The following NFILZ variants were observed in gnomAD, a reference collection of about 807,000 sequenced individuals.
The protein encoded by NFILZ is NFIL3 like protein.
intron 3 of NFILZ, among the ~76,000 whole-genome samples, chr19:8,649,283 T>C (rs1555747493): frequency 6.6e-6 from 1 of 150,994 alleles, no homozygotes. Flanking sequence ...AATTTTTTTT[T>C]GAGACAAAGT....
At chr19:8,644,699 C>T (rs1286611763) in intron 3 of NFILZ, among the ~76,000 whole-genome samples, 1 of 151,582 alleles carries the variant, frequency 6.6e-6, no homozygotes, top group East Asian at 1.9e-4. Context: ...CTCCTGGGCT[C>T]AAGCAATCCT....
At position 8,678,351 on chromosome 19, in the gene NFILZ, T is replaced by G. The variant is rs2043128714; in HGVS notation, c.*716T>G. On this transcript the variant is annotated 3_prime_UTR_variant, in exon 6 of 6. Coordinates refer to ENST00000691075, the MANE Select transcript of NFILZ (RefSeq NM_001378600.1). ...CCATCCATTCTCATTCATCCATGCA[T>G]TTGTTTTTCCTTCTATCTATCCATC... 6.7e-6 allele frequency among the ~76,000 whole-genome samples: 1 copy of G among 148,674 alleles called. No individual in the cohort carries two copies. The highest frequency in any genetic ancestry group is 1.5e-5 in the Non-Finnish European group (1 of 66,916).
intron 1 of NFILZ, among the ~76,000 whole-genome samples, chr19:8,631,982 G>A (rs1278395586): frequency 4.6e-5 from 7 of 151,874 alleles, no homozygotes; most frequent in Admixed American, 2.0e-4. Flanking sequence ...CAATTCTTTC[G>A]TCTCAGCCTC....
At chr19:8,633,288 C>A (rs985573573) in intron 2 of NFILZ, among the ~76,000 whole-genome samples, 9 of 152,136 alleles carry the variant, frequency 5.9e-5, no homozygotes, top group Admixed American at 2.6e-4. Context: ...TCCCAAAGTG[C>A]TGGGATTATA....
intron 3 of NFILZ, among the ~76,000 whole-genome samples, chr19:8,641,899 C>T (rs1426390960): frequency 6.6e-6 from 1 of 151,690 alleles, no homozygotes; most frequent in Non-Finnish European, 1.5e-5. Flanking sequence ...CACAATCACA[C>T]CTCATTGCAG....
intron 2 of NFILZ, among the ~76,000 whole-genome samples, chr19:8,634,509 C>T (rs1203144139): frequency 1.3e-5 from 2 of 152,208 alleles, no homozygotes; most frequent in Admixed American, 1.3e-4. Context: ...AAGTAATCCT[C>T]TTGCCTCAGC....
At chr19:8,669,079 G>T (rs1308440003) in intron 3 of NFILZ, among the ~76,000 whole-genome samples, 1 of 152,132 alleles carries the variant, frequency 6.6e-6, no homozygotes, top group Admixed American at 6.5e-5. Flanking sequence ...GAGTAGCTGG[G>T]ACTACAGGCG....
intron 3 of NFILZ, among the ~76,000 whole-genome samples, chr19:8,668,982 T>C (rs1284806332): frequency 9.9e-5 from 15 of 152,152 alleles, no homozygotes; most frequent in African/African-American, 3.6e-4. Flanking sequence ...TCTCACTCTG[T>C]CACCCAGACT....
intron 3 of NFILZ, among the ~76,000 whole-genome samples, chr19:8,671,358 AAC>A (rs1168238992): frequency 1.3e-5 from 2 of 151,952 alleles, no homozygotes; most frequent in Non-Finnish European, 2.9e-5. Flanking sequence ...CGGGCAGCAG[AAC>A]TATCTGCTGC....
In NFILZ at chr19:8,678,147, GTCCGTCCATCCATCCA is replaced by G. The variant is rs782169216; in HGVS notation, c.*516_*531del. ...CATCCCTCCATCCATTCATCCACTT[GTCCGTCCATCCATCCA>G]TCCATCCATCCATCCATCCATCCAT... On this transcript the variant is annotated 3_prime_UTR_variant, in exon 6 of 6. Coordinates refer to ENST00000691075, the MANE Select transcript of NFILZ (RefSeq NM_001378600.1). Among the ~76,000 whole-genome samples, 7 of 9,668 alleles carry G rather than the reference GTCCGTCCATCCATCCA, an allele frequency of 7.2e-4. No homozygotes were observed. The highest frequency in any genetic ancestry group is 1.9e-3 in the African/African-American group (6 of 3,134). The allele number at this position is 9,668 out of a possible 152,430, so 6.3% of individuals were successfully genotyped here. A position where few individuals can be genotyped will look rare whatever the true frequency, so the allele number is the denominator to read the frequency against.
chr19:8,652,622 T>C (rs2042969132), intron 3 of NFILZ, among the ~76,000 whole-genome samples: 1 of 152,254 alleles, frequency 6.6e-6, no homozygotes, highest in African/African-American at 2.4e-5. Flanking sequence ...CTTTACACCA[T>C]TGATTTAGTG....
At chr19:8,652,900 C>T in intron 3 of NFILZ, among the ~76,000 whole-genome samples, 1 of 144,214 alleles carries the variant, frequency 6.9e-6, no homozygotes, top group African/African-American at 2.6e-5. Context: ...CCTTTCTTTC[C>T]CTCCCTCCTT....
rs543041072 is a variant in NFILZ, at chr19:8,639,645, C to T, written c.-164+3899C>T. 5.9e-5 allele frequency among the ~76,000 whole-genome samples: 9 copies of T among 151,900 alleles called. 1 individual carries two copies. The highest frequency in any genetic ancestry group is 2.2e-4 in the African/African-American group (9 of 41,410). On this transcript the variant is annotated intron_variant, in intron 3 of 5. Coordinates refer to ENST00000691075, the MANE Select transcript of NFILZ (RefSeq NM_001378600.1). ...TGCAGAAAGTACTCAAGCTTTTACC[C>T]TGGGATGTGTTGAGGGTGTCCTCTC...
intron 3 of NFILZ, among the ~76,000 whole-genome samples, chr19:8,663,776 A>ATGTGTGTGTGTGTGTG (rs2043048762): frequency 3.7e-5 from 1 of 27,396 alleles, no homozygotes; most frequent in African/African-American, 8.4e-5. Flanking sequence ...GTGTGTATGT[A>ATGTGTGTGTGTGTGTG]TGTGTGTTTG....
At chr19:8,636,611 TG>T (rs1423227312) in intron 3 of NFILZ, among the ~76,000 whole-genome samples, 8 of 150,268 alleles carry the variant, frequency 5.3e-5, no homozygotes, top group Non-Finnish European at 1.5e-5. Context: ...TGCCCAGCTA[TG>T]TTTTTTTTTT....
chr19:8,652,993 T>C (rs1371066760), intron 3 of NFILZ, among the ~76,000 whole-genome samples: 1,144 of 41,388 alleles, frequency 0.028, 175 homozygotes, highest in Middle Eastern at 0.063. Context: ...CCTTCCTTCC[T>C]TCCTTCCTTC....
At position 8,635,720 on chromosome 19, in the gene NFILZ, C is replaced by A. The variant is rs1326047340; in HGVS notation, c.-190C>A. 1 of 152,108 alleles carries A rather than the reference C, an allele frequency of 6.6e-6. No individual in the cohort carries two copies. Among genetic ancestry groups the A allele is most frequent in the African/African-American group, 2.4e-5 (1 of 41,402 alleles). 9.4% of individuals were successfully genotyped at this position (152,108 alleles called of 1,614,324 possible). ...AGGCGATGATAAATAATGTGCCAGA[C>A]GTTGATGTGCAAGTTTTGGTGTGAG... On this transcript the variant is annotated 5_prime_UTR_variant, in exon 3 of 6. Transcript: ENST00000691075.
At chr19:8,633,927 CT>C (rs2042882850) in intron 2 of NFILZ, among the ~76,000 whole-genome samples, 1 of 145,504 alleles carries the variant, frequency 6.9e-6, no homozygotes, top group Admixed American at 7.0e-5. Context: ...TCCTTCCTTC[CT>C]TCCTTCCTTC....
intron 3 of NFILZ, among the ~76,000 whole-genome samples, chr19:8,648,710 G>A (rs782595944): frequency 1.6e-4 from 24 of 151,980 alleles, no homozygotes; most frequent in Admixed American, 2.0e-4. Context: ...AAACTAGCCA[G>A]GCGTGGTGGT....
Sources: gnomAD v4.1 joint callset for allele counts (sites outside exome capture counted in the v4.1 genomes callset) on GRCh38, gnomAD v4.1.1 for gene constraint, MANE v1.5 for transcripts, NCBI Gene and HGNC (gene_info 2026-07-23, HGNC 2026-07-21) for gene names.